Variants in NPAS3 observed in about 807,000 individuals in gnomAD.
NPAS3 encodes the protein neuronal PAS domain protein 3, also known as neuronal PAS domain-containing protein 3.
A neutral mutation model predicts 73.1 loss-of-function variants in NPAS3; 14 were observed. The ratio of observed to expected loss-of-function variants is 0.19; its 90% CI spans 0.13 to 0.30. NPAS3 has a LOEUF of 0.30. NPAS3 is among the 10% of genes least tolerant of loss of function. The probability of loss-of-function intolerance (pLI) is 1.00; values close to 1 mark genes in which losing one functional copy is unlikely to be tolerated. For missense variants in NPAS3, 1,096 were observed against 1,250.0 expected (o/e 0.88, Z 1.86); for synonymous variants, 620 against 541.5 (o/e 1.14, Z -2.01).
At chr14:33,735,604 A>C (rs2061503900) in intron 7 of NPAS3, among the ~76,000 whole-genome samples, 1 of 152,072 alleles carries the variant, frequency 6.6e-6, no homozygotes, top group Admixed American at 6.6e-5. Context: ...CACCTGCTGG[A>C]AATTCACTTT....
intron 5 of NPAS3, among the ~76,000 whole-genome samples, chr14:33,610,463 T>C (rs1032603940): frequency 4.6e-5 from 7 of 152,176 alleles, no homozygotes; most frequent in African/African-American, 1.7e-4. Context: ...TGAAAAGTGT[T>C]GTTCTTTTTC....
chr14:33,516,542 C>T (rs904604962), intron 4 of NPAS3, among the ~76,000 whole-genome samples: 1 of 152,166 alleles, frequency 6.6e-6, no homozygotes, highest in African/African-American at 2.4e-5. Context: ...TATCTAGCTT[C>T]AGATCCCAGC....
At chr14:33,068,051 A>G (rs754558552) in intron 2 of NPAS3, among the ~76,000 whole-genome samples, 2 of 152,142 alleles carry the variant, frequency 1.3e-5, no homozygotes, top group African/African-American at 2.4e-5. Context: ...TATCTTACTC[A>G]GTTTGGTTCA....
chr14:33,011,622 G>A (rs909762434), intron 1 of NPAS3, among the ~76,000 whole-genome samples: 1 of 152,074 alleles, frequency 6.6e-6, no homozygotes, highest in Non-Finnish European at 1.5e-5. Flanking sequence ...AGGACCTGCT[G>A]TAATTCATAA....
chr14:33,104,833 A>T (rs2042675818), intron 2 of NPAS3, among the ~76,000 whole-genome samples: 1 of 152,180 alleles, frequency 6.6e-6, no homozygotes, highest in Non-Finnish European at 1.5e-5. Flanking sequence ...TTCTGCATTT[A>T]GTATGGATTT....
At chr14:33,683,291 A>G (rs986676769) in intron 6 of NPAS3, among the ~76,000 whole-genome samples, 3 of 152,024 alleles carry the variant, frequency 2.0e-5, no homozygotes, top group Non-Finnish European at 4.4e-5. Context: ...ATTATTTTTA[A>G]CAGTTTTTTC....
At chr14:33,707,908 C>CG (rs1266525525) in intron 6 of NPAS3, among the ~76,000 whole-genome samples, 3 of 152,052 alleles carry the variant, frequency 2.0e-5, no homozygotes, top group Non-Finnish European at 4.4e-5. Context: ...ATATCTGAAC[C>CG]GGGGGGTGGT....
rs1295746585 is a variant in NPAS3, at chr14:33,801,002, G to A, written c.2695G>A (p.Ala899Thr). 6 of 1,588,266 alleles carry A rather than the reference G, an allele frequency of 3.8e-6. No individual in the cohort carries two copies. Among genetic ancestry groups the A allele is most frequent in the South Asian group, 2.3e-5 (2 of 87,210 alleles). ...CGCAGCTAGCCTGACGCAGATGCCC[G>A]CCGGCAACGTGTTCACCACGGCCGA... Residue 899 changes from alanine (A) to threonine (T), a missense_variant, in exon 12 of 12, where the codon GCC (alanine) becomes ACC (threonine). Around this residue, in one of 5 missense-constraint regions of NPAS3, gnomAD observed 698 missense variants for 676.7 expected, o/e 1.03. Coordinates refer to ENST00000356141, the Ensembl canonical transcript of NPAS3.
At chr14:33,159,553 C>CT (rs11389432) in intron 2 of NPAS3, among the ~76,000 whole-genome samples, 56,279 of 121,138 alleles carry the variant, frequency 0.46, 14,394 homozygotes, top group Middle Eastern at 0.54. Context: ...TTATAATGAG[C>CT]TTTTTTTTTT....
exon 6 of NPAS3, chr14:33,676,288 G>A: frequency 6.2e-7 from 1 of 1,613,588 alleles, no homozygotes; most frequent in Non-Finnish European, 8.5e-7. Flanking sequence ...AGCTGGGCAT[G>A]AAGCTCCCCC....
chr14:33,495,582 C>A (rs918070253), intron 4 of NPAS3, among the ~76,000 whole-genome samples: 4 of 151,994 alleles, frequency 2.6e-5, no homozygotes, highest in African/African-American at 7.2e-5. Context: ...GTGTTAAATT[C>A]TCCCACTATT....
intron 3 of NPAS3, among the ~76,000 whole-genome samples, chr14:33,268,681 C>T (rs781307322): frequency 6.6e-6 from 1 of 152,138 alleles, no homozygotes; most frequent in Non-Finnish European, 1.5e-5. Flanking sequence ...ATATACTTGA[C>T]GTAGCCTCTA....
intron 3 of NPAS3, among the ~76,000 whole-genome samples, chr14:33,273,627 T>C (rs1216758146): frequency 6.6e-6 from 1 of 152,188 alleles, no homozygotes; most frequent in Non-Finnish European, 1.5e-5. Flanking sequence ...AACCAAATAG[T>C]TTAGACAAAG....
chr14:33,330,212 C>A (rs934400147), intron 3 of NPAS3, among the ~76,000 whole-genome samples: 4 of 152,152 alleles, frequency 2.6e-5, no homozygotes, highest in African/African-American at 9.7e-5. Context: ...CACTGCACTC[C>A]AGCCTGGGTG....
At chr14:33,078,421 A>G (rs2041745493) in intron 2 of NPAS3, among the ~76,000 whole-genome samples, 2 of 152,114 alleles carry the variant, frequency 1.3e-5, no homozygotes, top group African/African-American at 4.8e-5. Context: ...AATATTGAGA[A>G]GATTCCTCCC....
intron 5 of NPAS3, among the ~76,000 whole-genome samples, chr14:33,602,873 C>T (rs537495064): frequency 6.6e-6 from 1 of 152,174 alleles, no homozygotes; most frequent in South Asian, 2.1e-4. Context: ...TAGGGTGGGA[C>T]CCAAAAGGAT....
chr14:33,122,402 A>C (rs974460333), intron 2 of NPAS3, among the ~76,000 whole-genome samples: 1 of 152,142 alleles, frequency 6.6e-6, no homozygotes, highest in South Asian at 2.1e-4. Flanking sequence ...TAACTAGCAA[A>C]AATAAGGCTG....
At chr14:33,725,735 T>C (rs1045333111) in intron 6 of NPAS3, among the ~76,000 whole-genome samples, 4 of 152,122 alleles carry the variant, frequency 2.6e-5, no homozygotes, top group South Asian at 2.1e-4. Flanking sequence ...CTGGCTCCCA[T>C]CTCTAGAAAT....
At chr14:33,181,917 T>C (rs1287884570) in intron 2 of NPAS3, among the ~76,000 whole-genome samples, 1 of 152,366 alleles carries the variant, frequency 6.6e-6, no homozygotes, top group African/African-American at 2.4e-5. Flanking sequence ...TTTTGACAGA[T>C]ACACAGACAG....
Sources: gnomAD v4.1 joint callset for allele counts (sites outside exome capture counted in the v4.1 genomes callset) on GRCh38, gnomAD v4.1.1 for gene constraint, gnomAD v4.1.1 regional missense constraint, MANE v1.5 for transcripts, NCBI Gene and HGNC (gene_info 2026-07-23, HGNC 2026-07-21) for gene names.